Variants in NCAM2 observed in about 807,000 individuals in gnomAD.
NCAM2 encodes the protein N-CAM-2.
Under a neutral mutation model 98.1 loss-of-function variants are expected in NCAM2, and 30 were observed. That is an observed-to-expected ratio of 0.31 (90% confidence interval 0.23 to 0.41). The LOEUF (loss-of-function observed/expected upper bound fraction) is 0.41, where lower values mean the gene tolerates loss of function less well. Ranked by LOEUF, NCAM2 falls within the 10% of genes least tolerant of loss-of-function variation. The pLI is 1.00. For synonymous variants in NCAM2, 368 were observed against 342.4 expected (o/e 1.07, Z -0.83); for missense variants, 867 against 1,005.8 (o/e 0.86, Z 1.87).
At chr21:21,345,891 C>T (rs186011071) in intron 8 of NCAM2, among the ~76,000 whole-genome samples, 1 of 151,856 alleles carries the variant, frequency 6.6e-6, no homozygotes, top group Non-Finnish European at 1.5e-5. Context: ...ACTGAAACTC[C>T]CAATGGTCAA....
intron 1 of NCAM2, among the ~76,000 whole-genome samples, chr21:21,264,939 G>GTATGTATATATA (rs2072090409): frequency 7.2e-5 from 1 of 13,926 alleles, no homozygotes; most frequent in South Asian, 2.1e-3. Context: ...ATATATATGT[G>GTATGTATATATA]TGTGTATATA....
intron 1 of NCAM2, among the ~76,000 whole-genome samples, chr21:21,048,605 G>A (rs534282755): frequency 3.1e-4 from 47 of 152,158 alleles, no homozygotes; most frequent in Non-Finnish European, 1.8e-4. Context: ...CACCCGCCTC[G>A]GCCTCCCAAA....
intron 5 of NCAM2, among the ~76,000 whole-genome samples, chr21:21,307,597 T>G (rs1383284273): frequency 5.3e-5 from 8 of 152,110 alleles, no homozygotes; most frequent in African/African-American, 1.9e-4. Flanking sequence ...TCCTTCCTAA[T>G]GTCATTCAGG....
At chr21:21,150,976 A>C (rs1217374964) in intron 1 of NCAM2, among the ~76,000 whole-genome samples, 2 of 101,260 alleles carry the variant, frequency 2.0e-5, no homozygotes, top group African/African-American at 5.7e-5. Flanking sequence ...AAGATTTTAA[A>C]AATATATATA....
At chr21:21,173,779 A>G (rs2068195118) in intron 1 of NCAM2, among the ~76,000 whole-genome samples, 1 of 152,194 alleles carries the variant, frequency 6.6e-6, no homozygotes, top group Non-Finnish European at 1.5e-5. Flanking sequence ...AAACTGTCAT[A>G]TATGTCATTT....
chr21:21,330,433 A>C (rs7280351), intron 6 of NCAM2, among the ~76,000 whole-genome samples: 1,933 of 152,142 alleles, frequency 0.013, 41 homozygotes, highest in African/African-American at 0.045. Context: ...GTATTTGGGT[A>C]TATTTCATAA....
intron 1 of NCAM2, among the ~76,000 whole-genome samples, chr21:21,225,341 C>G (rs560527700): frequency 6.6e-6 from 1 of 151,988 alleles, no homozygotes; most frequent in South Asian, 2.1e-4. Flanking sequence ...GTGCAGCAAA[C>G]CACCATGGCA....
intron 1 of NCAM2, among the ~76,000 whole-genome samples, chr21:21,265,798 G>T (rs1237082772): frequency 6.6e-6 from 1 of 151,878 alleles, no homozygotes; most frequent in Non-Finnish European, 1.5e-5. Flanking sequence ...GACCTACTGA[G>T]TACTACTCAC....
chr21:21,337,664 T>G (rs2074910200), intron 7 of NCAM2, among the ~76,000 whole-genome samples: 1 of 152,028 alleles, frequency 6.6e-6, no homozygotes, highest in African/African-American at 2.4e-5. Flanking sequence ...TGGAACTATG[T>G]AAGTTTATGG....
chr21:21,473,407 C>A (rs1446357975), intron 14 of NCAM2, among the ~76,000 whole-genome samples: 4 of 131,174 alleles, frequency 3.0e-5, no homozygotes. Flanking sequence ...ATATAAAATC[C>A]AGACTGATCA....
intron 1 of NCAM2, among the ~76,000 whole-genome samples, chr21:21,133,318 A>G (rs893254519): frequency 3.3e-5 from 5 of 152,196 alleles, no homozygotes; most frequent in African/African-American, 1.2e-4. Flanking sequence ...TGGAGTTTAC[A>G]CTAACACTCG....
Position 21,411,037 on chromosome 21 carries a change from C to CATACATAT in NCAM2, c.1383+579_1383+580insCATATATA, listed in dbSNP as rs1555889823. On this transcript the variant is annotated intron_variant, in intron 10 of 17. Coordinates refer to ENST00000400546, the MANE Select transcript of NCAM2 (RefSeq NM_004540.5). Reference sequence around the variant, plus strand: ...AAAAATATATATATATATATACACACATATATATATGTGTGTGTATATATA... The same window carrying CATACATAT: ...AAAAATATATATATATATATACACACATACATATATATATATATGTGTGTGTATATATA... Among the ~76,000 whole-genome samples, 14 of 53,308 alleles carry CATACATAT rather than the reference C, an allele frequency of 2.6e-4. 1 individual carries two copies. Among genetic ancestry groups the CATACATAT allele is most frequent in the African/African-American group, 1.1e-3 (14 of 12,574 alleles). 35.0% of individuals were successfully genotyped at this position (53,308 alleles called of 152,430 possible). A position where few individuals can be genotyped will look rare whatever the true frequency, so the allele number is the denominator to read the frequency against.
intron 1 of NCAM2, among the ~76,000 whole-genome samples, chr21:21,167,682 A>G (rs372799535): frequency 4.1e-4 from 63 of 152,288 alleles, no homozygotes; most frequent in African/African-American, 1.4e-3. Flanking sequence ...ATAAAGGAAT[A>G]TTGTAAAAAT....
intron 16 of NCAM2, among the ~76,000 whole-genome samples, chr21:21,529,453 G>A (rs1989504564): frequency 6.6e-6 from 1 of 151,938 alleles, no homozygotes; most frequent in Admixed American, 6.6e-5. Context: ...CTACATAGTA[G>A]AGTTAAACTT....
intron 12 of NCAM2, among the ~76,000 whole-genome samples, chr21:21,438,746 CT>C (rs200415068): frequency 5.3e-5 from 8 of 150,820 alleles, no homozygotes; most frequent in African/African-American, 1.2e-4. Context: ...AACAGCTACT[CT>C]TTTTTTTTCA....
At chr21:21,065,134 C>T (rs988635281) in intron 1 of NCAM2, among the ~76,000 whole-genome samples, 3 of 150,588 alleles carry the variant, frequency 2.0e-5, no homozygotes, top group Non-Finnish European at 3.0e-5. Flanking sequence ...GAGCCGAGAT[C>T]ACACCACTGC....
intron 1 of NCAM2, among the ~76,000 whole-genome samples, chr21:21,040,145 T>C (rs181912892): frequency 1.3e-5 from 2 of 152,214 alleles, no homozygotes; most frequent in African/African-American, 4.8e-5. Context: ...AAGATTTTTA[T>C]AGAGTTATAG....
intron 1 of NCAM2, among the ~76,000 whole-genome samples, chr21:21,024,388 G>A (rs1336129899): frequency 6.6e-6 from 1 of 151,808 alleles, no homozygotes; most frequent in Admixed American, 6.6e-5. Context: ...AATCCTGGGG[G>A]GGGAAAAAAC....
At chr21:21,124,696 C>T (rs1370955010) in intron 1 of NCAM2, among the ~76,000 whole-genome samples, 2 of 151,974 alleles carry the variant, frequency 1.3e-5, no homozygotes, top group Non-Finnish European at 2.9e-5. Flanking sequence ...TTTTCTTCTC[C>T]TAGGCTCCTT....
Sources: allele counts gnomAD v4.1 joint callset (sites outside exome capture counted in the v4.1 genomes callset), GRCh38; gene constraint gnomAD v4.1.1; transcripts MANE v1.5; gene names NCBI Gene and HGNC (gene_info 2026-07-23, HGNC 2026-07-21).